EHBP1: variants seen among roughly 807,000 people sequenced by gnomAD.
EHBP1 encodes EH domain binding protein 1.
In EHBP1, 55 loss-of-function variants were observed where a neutral mutation model predicts 144.0. That is an observed-to-expected ratio of 0.38 (90% CI 0.31 to 0.48). The LOEUF is 0.48. Among genes scored for constraint, EHBP1 ranks in the 20% least tolerant of loss-of-function variants. EHBP1 has a pLI of 0.98. For synonymous variants in EHBP1, 469 were observed against 472.7 expected (o/e 0.99, Z 0.10); for missense variants, 1,200 against 1,364.2 (o/e 0.88, Z 1.90).
intron 7 of EHBP1, among the ~76,000 whole-genome samples, chr2:62,851,988 A>G (rs1317242835): frequency 1.3e-5 from 2 of 152,186 alleles, no homozygotes; most frequent in Non-Finnish European, 2.9e-5. Flanking sequence ...TTGGAAAAAT[A>G]ATTCAGTCAT....
At chr2:62,775,613 A>G (rs1307816900) in intron 5 of EHBP1, among the ~76,000 whole-genome samples, 2 of 152,234 alleles carry the variant, frequency 1.3e-5, no homozygotes, top group Admixed American at 1.3e-4. Context: ...TTTAATATAA[A>G]ATATCCCAAT....
chr2:62,820,445 C>G (rs979229934), intron 5 of EHBP1, among the ~76,000 whole-genome samples: 4 of 151,402 alleles, frequency 2.6e-5, no homozygotes, highest in African/African-American at 9.7e-5. Flanking sequence ...ATTGTATAAC[C>G]ATCACTACTG....
chr2:62,723,390 G>GCAT (rs2036425331), intron 2 of EHBP1, among the ~76,000 whole-genome samples: 2 of 152,078 alleles, frequency 1.3e-5, no homozygotes, highest in Admixed American at 6.5e-5. Context: ...CATGTGAGGT[G>GCAT]GGTCTCTTGA....
intron 5 of EHBP1, among the ~76,000 whole-genome samples, chr2:62,825,712 T>TCAAAG (rs1412091049): frequency 6.6e-6 from 1 of 152,072 alleles, no homozygotes; most frequent in Non-Finnish European, 1.5e-5. Flanking sequence ...TTAAATATTA[T>TCAAAG]CAAAGCAAAG....
chr2:62,812,590 G>A (rs1476725606), intron 5 of EHBP1, among the ~76,000 whole-genome samples: 1 of 152,072 alleles, frequency 6.6e-6, no homozygotes. Context: ...GGTCTCAGAG[G>A]GAAATGAGGA....
intron 14 of EHBP1, among the ~76,000 whole-genome samples, chr2:62,968,306 G>T (rs936497195): frequency 2.0e-5 from 3 of 152,020 alleles, no homozygotes; most frequent in African/African-American, 7.2e-5. Flanking sequence ...CATCATAAAG[G>T]GTTCTTTGGG....
At chr2:62,734,634 A>G (rs1240265574) in intron 2 of EHBP1, among the ~76,000 whole-genome samples, 2 of 152,188 alleles carry the variant, frequency 1.3e-5, no homozygotes, top group Non-Finnish European at 2.9e-5. Context: ...CATTTAGACC[A>G]CTGACATTCA....
intron 7 of EHBP1, among the ~76,000 whole-genome samples, 161 bp downstream of exon 7, chr2:62,831,319 C>A (rs1258301728): frequency 6.6e-6 from 1 of 152,012 alleles, no homozygotes; most frequent in Non-Finnish European, 1.5e-5. Context: ...TGACAACTTT[C>A]CATGCTGTTT....
chr2:62,815,555 G>A (rs72807582), intron 5 of EHBP1, among the ~76,000 whole-genome samples: 17,079 of 152,196 alleles, frequency 0.11, 1,277 homozygotes, highest in Non-Finnish European at 0.16. Flanking sequence ...GATTACTTGA[G>A]CTTTAAACTA....
chr2:62,774,737 C>CA (rs1401104115), intron 5 of EHBP1, among the ~76,000 whole-genome samples: 1 of 152,010 alleles, frequency 6.6e-6, no homozygotes, highest in East Asian at 1.9e-4. Context: ...CCTGACTGTT[C>CA]AGGAGGCTGA....
intron 10 of EHBP1, among the ~76,000 whole-genome samples, chr2:62,894,891 C>T (rs1418652279): frequency 6.7e-6 from 1 of 149,220 alleles, no homozygotes; most frequent in Admixed American, 6.7e-5. Flanking sequence ...GCACTGTAGT[C>T]TGGCTGACAG....
chr2:63,045,222 C>G lies in EHBP1; in HGVS notation c.3392+42C>G, dbSNP rs182643686. ...GTCGGGTCGAGGCTGGGCCACCTGC[C>G]GAGGGGCCGAGAAGTGTGCGGAAAG... On this transcript the variant is annotated intron_variant, in intron 22 of 22. Transcript: ENST00000431489. The surrounding 1 kb of genome is among the most constrained non-coding windows in gnomAD (Gnocchi z 5.7). 772 of 1,523,134 alleles carry G rather than the reference C, an allele frequency of 5.1e-4. No homozygotes were observed. The highest frequency in any genetic ancestry group is 6.3e-4 in the Non-Finnish European group (705 of 1,119,690). The allele number at this position is 1,523,134 out of a possible 1,614,324, so 94.4% of individuals were successfully genotyped here. A position where few individuals can be genotyped will look rare whatever the true frequency, so the allele number is the denominator to read the frequency against.
intron 19 of EHBP1, among the ~76,000 whole-genome samples, chr2:63,012,519 A>G (rs1182588046): frequency 6.6e-6 from 1 of 151,988 alleles, no homozygotes; most frequent in East Asian, 1.9e-4. Context: ...CTTTTTTTTC[A>G]TTTATGCCAC....
At chr2:62,942,624 C>T in intron 10 of EHBP1, 94 bp from the exon 11 acceptor site, 1 of 1,107,452 alleles carries the variant, frequency 9.0e-7, no homozygotes, top group Non-Finnish European at 1.2e-6. Flanking sequence ...AAACTGACAT[C>T]AAAGGGTTCA....
rs535078509 is a variant in EHBP1, at chr2:62,999,819, T to C, written c.3103+3053T>C. ...AATCTCTGTTTTCATTTCTTTTGGG[T>C]ATATACCGAGGATTGGAATTTCTGA... On this transcript the variant is annotated intron_variant, in intron 19 of 22. Coordinates refer to ENST00000431489, the MANE Select transcript of EHBP1 (RefSeq NM_001142616.3). Among the ~76,000 whole-genome samples the C allele has an allele frequency of 3.9e-5, 6 of 152,298 alleles. No homozygotes were observed. The East Asian group carries it at 1.2e-3, about 29-fold the overall frequency.
intron 10 of EHBP1, among the ~76,000 whole-genome samples, chr2:62,929,262 A>G (rs189682445): frequency 6.6e-6 from 1 of 152,208 alleles, no homozygotes; most frequent in Non-Finnish European, 1.5e-5. Context: ...TACCAAAGCC[A>G]GACAAACACT....
Position 62,949,145 on chromosome 2 carries a change from T to C in EHBP1, c.2299T>C (p.Ser767Pro). 6.4e-7 allele frequency: 1 copy of C among 1,554,450 alleles called. No homozygotes were observed. Among genetic ancestry groups the C allele is most frequent in the Non-Finnish European group, 8.6e-7 (1 of 1,157,008 alleles). ...AACCACTTTAAATCATGCAGATCAT[T>C]CATCAAAAATAGTCCAGGTAAGTGA... ...DRTTLNHADH[S>P]SKIVQHRLLS... The change falls in exon 13 of 23, where the codon TCA (serine) becomes CCA (proline). Residue 767 changes from serine to proline, a missense_variant. Ser to Pro is a moderately conservative substitution (Grantham distance 74, BLOSUM62 -1). Transcript: ENST00000431489.
intron 2 of EHBP1, among the ~76,000 whole-genome samples, chr2:62,736,390 A>T (rs1272606301): frequency 6.6e-6 from 1 of 151,416 alleles, no homozygotes; most frequent in Non-Finnish European, 1.5e-5. Flanking sequence ...TACCCGGCTA[A>T]TTTTTGTGTT....
intron 5 of EHBP1, among the ~76,000 whole-genome samples, chr2:62,780,764 T>G (rs1175127938): frequency 6.6e-6 from 1 of 152,222 alleles, no homozygotes; most frequent in Non-Finnish European, 1.5e-5. Flanking sequence ...TTATTTCACA[T>G]AGCAGTTTAA....
Sources: allele counts gnomAD v4.1 joint callset (sites outside exome capture counted in the v4.1 genomes callset), GRCh38; gene constraint gnomAD v4.1.1; non-coding constraint Gnocchi (gnomAD v3.1); transcripts MANE v1.5; gene names NCBI Gene and HGNC (gene_info 2026-07-23, HGNC 2026-07-21).